SORL1: variants seen among roughly 807,000 people sequenced by gnomAD.
SORL1 encodes sortilin related receptor 1.
In SORL1, 127 loss-of-function variants were observed where a neutral mutation model predicts 273.7. That is an observed-to-expected ratio of 0.46 (90% CI 0.40 to 0.54). SORL1 has a LOEUF of 0.54. SORL1 is among the 20% of genes least tolerant of loss of function. SORL1 has a pLI of 0.00. For synonymous variants in SORL1, 1,031 were observed against 1,067.4 expected, an observed-to-expected ratio of 0.97 and a Z score of 0.66; for missense variants, 2,494 against 2,846.1, an observed-to-expected ratio of 0.88 and a Z score of 2.81.
chr11:121,517,961 TGG>T (rs1359162937), intron 8 of SORL1, among the ~76,000 whole-genome samples: 1 of 151,662 alleles, frequency 6.6e-6, no homozygotes, highest in African/African-American at 2.4e-5. Flanking sequence ...TAGGAAAGAG[TGG>T]TGTCTGGGAA....
chr11:121,495,694 A>G (rs1861619162), intron 5 of SORL1, among the ~76,000 whole-genome samples: 1 of 152,198 alleles, frequency 6.6e-6, no homozygotes, highest in Non-Finnish European at 1.5e-5. Flanking sequence ...GACCTGGAGC[A>G]GATAAGTTGT....
chr11:121,570,386 A>C (rs748916162), intron 23 of SORL1, 116 bp downstream of exon 23: 1 of 638,744 alleles, frequency 1.6e-6, no homozygotes, highest in Non-Finnish European at 2.8e-6. Flanking sequence ...GGTGATGCCC[A>C]TCTAAGTTGA....
chr11:121,607,371 C>A, intron 37 of SORL1, 81 bp downstream of exon 37: 1 of 773,430 alleles, frequency 1.3e-6, no homozygotes, highest in Non-Finnish European at 2.2e-6. Context: ...GAACTCTCTA[C>A]TCACCTTTGT....
In SORL1 at chr11:121,606,939, C is replaced by A; in HGVS notation, c.5043C>A (p.Gly1681=). The change falls in exon 36 of 48, where the codon GGC becomes GGA. Residue 1681 remains glycine, a synonymous_variant. Transcript: ENST00000260197. The part of the protein sequence containing the change: ...GHWAPPIHTH[G]LIREYIVEYS... ...GGGCTCCTCCCATCCACACCCATGG[C>A]CTCATCCGTGAGTACATTGTAAGTA... 1 of 1,612,154 alleles carries A rather than the reference C, an allele frequency of 6.2e-7. No homozygotes were observed. Among genetic ancestry groups the A allele is most frequent in the Non-Finnish European group, 8.5e-7 (1 of 1,178,190 alleles).
chr11:121,500,512 C>T (rs576409109), intron 6 of SORL1, among the ~76,000 whole-genome samples: 2 of 152,322 alleles, frequency 1.3e-5, no homozygotes, highest in East Asian at 3.9e-4. Flanking sequence ...CAGCCATGCT[C>T]ATTGCTTATT....
chr11:121,620,049 C>T (rs1863700200), intron 43 of SORL1, 132 bp downstream of exon 43: 12 of 715,582 alleles, frequency 1.7e-5, no homozygotes, highest in Non-Finnish European at 2.9e-5. Flanking sequence ...AGGTCTCTCT[C>T]CCATTTCAGT....
chr11:121,495,193 C>G (rs892741531), intron 5 of SORL1, among the ~76,000 whole-genome samples: 1 of 152,194 alleles, frequency 6.6e-6, no homozygotes, highest in Non-Finnish European at 1.5e-5. Flanking sequence ...AATCCACCCA[C>G]CTCAGCCTCC....
chr11:121,526,528 A>T (rs1862126477), intron 11 of SORL1, among the ~76,000 whole-genome samples: 1 of 152,120 alleles, frequency 6.6e-6, no homozygotes, highest in Non-Finnish European at 1.5e-5. Flanking sequence ...ATTGCCTTGA[A>T]TTTATAGAAT....
chr11:121,485,015 A>G (rs1402288363), intron 3 of SORL1, among the ~76,000 whole-genome samples: 1 of 152,186 alleles, frequency 6.6e-6, no homozygotes, highest in Non-Finnish European at 1.5e-5. Context: ...TTGGCCTCCC[A>G]AAGTGGTGGG....
chr11:121,559,606 C>A lies in SORL1; in HGVS notation c.2998C>A (p.Gln1000Lys). Residue 1000 changes from glutamine (Q) to lysine (K), a missense_variant, in exon 21 of 48, where the codon CAG (glutamine) becomes AAG (lysine). Transcript: ENST00000260197. ...SGSQMEILAN[Q>K]LTGLMDMKIF... is the part of the protein sequence containing the mutation. ...GTCCCAGATGGAGATTCTGGCAAACCAGCTCACGGGGCTCATGGACATGAA... is the reference window on the plus strand; with the variant it reads ...GTCCCAGATGGAGATTCTGGCAAACAAGCTCACGGGGCTCATGGACATGAA... 1 of 1,614,142 alleles carries A rather than the reference C, an allele frequency of 6.2e-7. No individual in the cohort carries two copies. The highest frequency in any genetic ancestry group is 8.5e-7 in the Non-Finnish European group (1 of 1,180,012).
At position 121,622,289 on chromosome 11, in the gene SORL1, C is replaced by T. The variant is rs768952992; in HGVS notation, c.6171+21C>T. 5 of 1,430,026 alleles carry T rather than the reference C, an allele frequency of 3.5e-6. 1 individual carries two copies. Among genetic ancestry groups the T allele is most frequent in the South Asian group, 3.5e-5 (3 of 86,290 alleles). The allele number at this position is 1,430,026 out of a possible 1,614,324, so 88.6% of individuals were successfully genotyped here. On this transcript the variant is annotated intron_variant, in intron 45 of 47. Transcript: ENST00000260197. ...GCAGGGTAAGTTCCTCCCTCATTCT[C>T]AATGACTTTGGAAATTTAATTGAAA... is the stretch of plus-strand genomic sequence containing the variant.
At chr11:121,532,681 G>A (rs1218060819) in intron 12 of SORL1, 129 bp downstream of exon 12, 7 of 686,564 alleles carry the variant, frequency 1.0e-5, no homozygotes, top group Admixed American at 2.9e-5. Flanking sequence ...CTGGATATGA[G>A]TTAAACTTTT....
At chr11:121,560,815 T>TA (rs1862661176) in intron 21 of SORL1, among the ~76,000 whole-genome samples, 1 of 152,244 alleles carries the variant, frequency 6.6e-6, no homozygotes, top group South Asian at 2.1e-4. Flanking sequence ...AGGCTGGTAT[T>TA]ATGATCCATG....
chr11:121,532,481 C>G lies in SORL1; in HGVS notation c.1614C>G (p.His538Gln). The part of the protein sequence containing the change: ...ARWREALPGP[H>Q]YYTWGDHGGI... ...CTCTTCAGGCACTTCCTGGACCTCA[C>G]TACTACACATGGGGAGACCACGGCG... The change falls in exon 12 of 48, where the codon CAC becomes CAG. Residue 538 changes from histidine to glutamine, a missense_variant. This residue lies in a region of SORL1 where 710 missense variants were observed against 882.5 expected (regional missense o/e 0.80). Transcript: ENST00000260197. 6.2e-7 allele frequency: 1 copy of G among 1,614,156 alleles called. No homozygotes were observed. Among genetic ancestry groups the G allele is most frequent in the Non-Finnish European group, 8.5e-7 (1 of 1,180,000 alleles).
At chr11:121,606,708 C>G (rs1487440327) in intron 35 of SORL1, 137 bp from the exon 36 acceptor site, 1 of 656,282 alleles carries the variant, frequency 1.5e-6, no homozygotes, top group Non-Finnish European at 2.7e-6. Context: ...ATGTGACGAC[C>G]AAGCTAGCAG....
At chr11:121,470,602 A>G (rs996583911) in intron 2 of SORL1, among the ~76,000 whole-genome samples, 2 of 152,238 alleles carry the variant, frequency 1.3e-5, no homozygotes, top group African/African-American at 4.8e-5. Flanking sequence ...GCCAAGGGTT[A>G]TAAACTCAAA....
intron 45 of SORL1, among the ~76,000 whole-genome samples, chr11:121,623,674 G>T (rs931747501): frequency 1.3e-5 from 2 of 152,224 alleles, no homozygotes; most frequent in Admixed American, 1.3e-4. Flanking sequence ...ATTCCAGGCA[G>T]GTATTGGGAA....
At chr11:121,561,186 G>C (rs901568229) in intron 21 of SORL1, among the ~76,000 whole-genome samples, 3 of 152,214 alleles carry the variant, frequency 2.0e-5, no homozygotes, top group Non-Finnish European at 2.9e-5. Flanking sequence ...GCATGTGCTT[G>C]TTTGATTTGC....
In SORL1 at chr11:121,619,265, G is replaced by A. The variant is rs190366942; in HGVS notation, c.5724+372G>A. 3.8e-3 allele frequency among the ~76,000 whole-genome samples: 572 copies of A among 152,304 alleles called. 5 individuals carry two copies. Among genetic ancestry groups the A allele is most frequent in the African/African-American group, 0.013 (554 of 41,552 alleles). On this transcript the variant is annotated intron_variant, in intron 42 of 47. Coordinates refer to ENST00000260197, the MANE Select transcript of SORL1 (RefSeq NM_003105.6). Reference sequence around the variant, plus strand: ...TTCTTATGATAGCAAAAGATGTGAAGCAACTTAAATGTCTATGAAGAGAGG... The same window carrying A: ...TTCTTATGATAGCAAAAGATGTGAAACAACTTAAATGTCTATGAAGAGAGG...
Sources: gnomAD v4.1 joint callset for allele counts (sites outside exome capture counted in the v4.1 genomes callset) on GRCh38, gnomAD v4.1.1 for gene constraint, gnomAD v4.1.1 regional missense constraint, MANE v1.5 for transcripts, NCBI Gene and HGNC (gene_info 2026-07-23, HGNC 2026-07-21) for gene names.